Variants in SLC35F3 observed in about 807,000 individuals in gnomAD.
The protein encoded by SLC35F3 is putative thiamine transporter SLC35F3.
A neutral mutation model predicts 49.9 loss-of-function variants in SLC35F3; 25 were observed. The observed-to-expected ratio is 0.50, with a 90% CI of 0.37 to 0.70. SLC35F3 has a LOEUF of 0.70. Among genes scored for constraint, SLC35F3 ranks in the 30% least tolerant of loss-of-function variants. The pLI, the probability that SLC35F3 is intolerant of heterozygous loss-of-function variation, is 0.00. For missense variants in SLC35F3, 525 were observed against 639.8 expected, an observed-to-expected ratio of 0.82 and a Z score of 1.94; for synonymous variants, 275 against 265.4, an observed-to-expected ratio of 1.04 and a Z score of -0.35.
At chr1:234,083,307 G>T (rs936365683) in intron 2 of SLC35F3, among the ~76,000 whole-genome samples, 1 of 152,204 alleles carries the variant, frequency 6.6e-6, no homozygotes. Flanking sequence ...GAGTATTCTG[G>T]TGTGGCTGTT....
intron 3 of SLC35F3, among the ~76,000 whole-genome samples, chr1:234,283,629 G>C (rs1187258571): frequency 1.3e-5 from 2 of 152,228 alleles, no homozygotes; most frequent in Admixed American, 1.3e-4. Context: ...GAATCATTGA[G>C]AGGGAAGAAA....
intron 2 of SLC35F3, among the ~76,000 whole-genome samples, chr1:234,131,859 C>CT (rs1040114819): frequency 2.0e-5 from 3 of 152,094 alleles, no homozygotes; most frequent in Admixed American, 1.3e-4. Context: ...TCACTTACCA[C>CT]TTTTTTTAAA....
chr1:234,146,885 A>C (rs969901103), intron 2 of SLC35F3, among the ~76,000 whole-genome samples: 1 of 151,898 alleles, frequency 6.6e-6, no homozygotes, highest in Non-Finnish European at 1.5e-5. Flanking sequence ...ACTTTTTTCT[A>C]TGTGTTTTGG....
chr1:234,207,880 A>G (rs1437077051), intron 2 of SLC35F3, among the ~76,000 whole-genome samples: 1 of 152,180 alleles, frequency 6.6e-6, no homozygotes, highest in Non-Finnish European at 1.5e-5. Context: ...GTGATGGTGC[A>G]CACCTGTAGT....
rs115118979 is a variant in SLC35F3 at position 234,277,221 on chromosome 1, G to A, written c.609-31880G>A. ...CTGTGTGGCCGGCGGTAGGTTGGGG[G>A]TTGAGGGGGAGTGTCCTCCCTGTCC... On this transcript the variant is annotated intron_variant, in intron 3 of 7. Transcript: ENST00000366618. Among the ~76,000 whole-genome samples the A allele has an allele frequency of 8.3e-3, 1,262 of 152,338 alleles. 19 individuals are homozygous for A. Among genetic ancestry groups the A allele is most frequent in the African/African-American group, 0.028 (1,165 of 41,564 alleles).
chr1:234,015,109 G>T (rs1184557417), intron 2 of SLC35F3, among the ~76,000 whole-genome samples: 4 of 152,144 alleles, frequency 2.6e-5, no homozygotes, highest in Admixed American at 6.5e-5. Flanking sequence ...ACTTTGGGAG[G>T]CCGAGGCGGG....
At chr1:234,245,726 T>C (rs915489901) in intron 3 of SLC35F3, among the ~76,000 whole-genome samples, 4 of 152,222 alleles carry the variant, frequency 2.6e-5, no homozygotes, top group Non-Finnish European at 5.9e-5. Context: ...CTGGTTGTCA[T>C]GGGCCACCTA....
At chr1:234,055,682 T>G (rs751649349) in intron 2 of SLC35F3, among the ~76,000 whole-genome samples, 12 of 152,312 alleles carry the variant, frequency 7.9e-5, no homozygotes, top group Middle Eastern at 3.4e-3. Context: ...CCCAGTGAGA[T>G]GAACCCAGTA....
chr1:234,022,932 C>G (rs1028067783), intron 2 of SLC35F3, among the ~76,000 whole-genome samples: 9 of 152,144 alleles, frequency 5.9e-5, no homozygotes, highest in Non-Finnish European at 1.3e-4. Flanking sequence ...AGAGGTGGTT[C>G]AGTCTATTAG....
chr1:234,128,070 T>G (rs1196022869), intron 2 of SLC35F3, among the ~76,000 whole-genome samples: 1 of 151,780 alleles, frequency 6.6e-6, no homozygotes, highest in Non-Finnish European at 1.5e-5. Context: ...AGAGTTGGAG[T>G]TAAGTGCCGG....
chr1:234,228,684 G>A (rs1342411552), intron 2 of SLC35F3, among the ~76,000 whole-genome samples: 1 of 152,102 alleles, frequency 6.6e-6, no homozygotes, highest in Non-Finnish European at 1.5e-5. Context: ...GTGTGTGTGT[G>A]GGTTTGTGTG....
intron 3 of SLC35F3, among the ~76,000 whole-genome samples, chr1:234,283,573 A>G (rs1172872942): frequency 1.3e-5 from 2 of 152,244 alleles, no homozygotes; most frequent in Admixed American, 6.5e-5. Flanking sequence ...GGGAGATTTA[A>G]TGGACTGCAT....
chr1:233,920,590 T>G (rs1397878733), intron 2 of SLC35F3, among the ~76,000 whole-genome samples: 1 of 152,258 alleles, frequency 6.6e-6, no homozygotes, highest in Non-Finnish European at 1.5e-5. Context: ...GTTCATACCC[T>G]TGAATAATCA....
rs1657589148 is a variant in SLC35F3 at position 234,320,397 on chromosome 1, G to T, written c.1237+210G>T. ...CTATAGAATGCGTGTTTAACTGTCT[G>T]CCAAAAAAAAAGCATTTAGGTGAAA... On this transcript the variant is annotated intron_variant, in intron 7 of 7. Coordinates refer to ENST00000366618, the MANE Select transcript of SLC35F3 (RefSeq NM_173508.4). This position sits in a 1 kb window ranked among gnomAD's most constrained non-coding sequence, Gnocchi z 4.8. Among the ~76,000 whole-genome samples the T allele has an allele frequency of 6.6e-6, 1 of 150,856 alleles. No individual in the cohort carries two copies. The highest frequency in any genetic ancestry group is 2.4e-5 in the African/African-American group (1 of 41,170).
chr1:234,030,596 G>A (rs898071772), intron 2 of SLC35F3, among the ~76,000 whole-genome samples: 5 of 152,124 alleles, frequency 3.3e-5, no homozygotes, highest in Non-Finnish European at 5.9e-5. Flanking sequence ...TCCATTGTAC[G>A]GGATTAAATA....
intron 3 of SLC35F3, among the ~76,000 whole-genome samples, chr1:234,243,394 C>T (rs567747809): frequency 6.6e-6 from 1 of 152,246 alleles, no homozygotes; most frequent in East Asian, 1.9e-4. Flanking sequence ...ACCTGCGTAT[C>T]CCCAATAACA....
intron 3 of SLC35F3, among the ~76,000 whole-genome samples, chr1:234,236,052 G>T (rs969974159): frequency 1.3e-5 from 2 of 152,150 alleles, no homozygotes; most frequent in African/African-American, 4.8e-5. Flanking sequence ...GCCAAACAGG[G>T]TGGGGGTGCA....
chr1:234,211,350 C>T (rs909780786), intron 2 of SLC35F3, among the ~76,000 whole-genome samples: 5 of 152,218 alleles, frequency 3.3e-5, no homozygotes, highest in African/African-American at 1.2e-4. Flanking sequence ...GGGCCACTGT[C>T]CTCCAGACCC....
At chr1:234,204,002 G>C (rs754061865) in intron 2 of SLC35F3, among the ~76,000 whole-genome samples, 42 of 152,256 alleles carry the variant, frequency 2.8e-4, no homozygotes, top group Non-Finnish European at 5.9e-4. Context: ...GCTGTCAAAT[G>C]CATGCCTTTT....
Sources: gnomAD v4.1 joint callset for allele counts (sites outside exome capture counted in the v4.1 genomes callset) on GRCh38, gnomAD v4.1.1 for gene constraint, Gnocchi (gnomAD v3.1) non-coding constraint, MANE v1.5 for transcripts, NCBI Gene and HGNC (gene_info 2026-07-23, HGNC 2026-07-21) for gene names.